Variants in RIMS2 observed in about 807,000 individuals in gnomAD.
RIMS2 encodes regulating synaptic membrane exocytosis 2, also known as regulating synaptic membrane exocytosis protein 2.
Under a neutral mutation model 174.4 loss-of-function variants are expected in RIMS2, and 59 were observed. That is an observed-to-expected ratio of 0.34 (90% CI 0.27 to 0.42). The LOEUF (loss-of-function observed/expected upper bound fraction) is 0.42, where lower values mean the gene tolerates loss of function less well. RIMS2 is among the 10% of genes least tolerant of loss of function. The pLI is 1.00. For synonymous variants in RIMS2, 606 were observed against 572.5 expected, an observed-to-expected ratio of 1.06 and a Z score of -0.84; for missense variants, 1,620 against 1,666.3, an observed-to-expected ratio of 0.97 and a Z score of 0.48.
intron 1 of RIMS2, among the ~76,000 whole-genome samples, chr8:103,617,613 G>C (rs550586269): frequency 6.6e-6 from 1 of 152,278 alleles, no homozygotes; most frequent in African/African-American, 2.4e-5. Flanking sequence ...GTGTGCATCT[G>C]ACGAAGTCTA....
At chr8:103,814,278 A>G (rs2098705593) in intron 3 of RIMS2, among the ~76,000 whole-genome samples, 1 of 152,076 alleles carries the variant, frequency 6.6e-6, no homozygotes, top group African/African-American at 2.4e-5. Context: ...GGAGAGGTAC[A>G]GGAGTAATAA....
At chr8:103,673,118 G>T (rs1168184745) in intron 1 of RIMS2, among the ~76,000 whole-genome samples, 3 of 152,176 alleles carry the variant, frequency 2.0e-5, no homozygotes, top group Non-Finnish European at 4.4e-5. Flanking sequence ...AGGACACACT[G>T]GTGCATGAGG....
intron 1 of RIMS2, among the ~76,000 whole-genome samples, chr8:103,634,734 G>T (rs1170079608): frequency 6.6e-6 from 1 of 152,104 alleles, no homozygotes; most frequent in East Asian, 1.9e-4. Flanking sequence ...CAATAGTTAG[G>T]TCTTCTTGTT....
At chr8:103,820,075 G>A (rs2098742602) in intron 3 of RIMS2, among the ~76,000 whole-genome samples, 1 of 152,010 alleles carries the variant, frequency 6.6e-6, no homozygotes, top group South Asian at 2.1e-4. Context: ...CTCTATGCTG[G>A]GTAGCTCAAT....
intron 19 of RIMS2, among the ~76,000 whole-genome samples, chr8:104,139,708 C>A (rs1047295882): frequency 2.6e-5 from 4 of 152,096 alleles, no homozygotes; most frequent in African/African-American, 9.7e-5. Context: ...CATCTGCAAA[C>A]AAAGATAATT....
intron 1 of RIMS2, among the ~76,000 whole-genome samples, chr8:103,641,934 C>T (rs781194559): frequency 2.6e-5 from 4 of 152,084 alleles, no homozygotes; most frequent in Non-Finnish European, 5.9e-5. Flanking sequence ...ATTACCCAGC[C>T]TAATGTATTC....
chr8:103,698,047 T>C (rs1422048275), intron 2 of RIMS2, among the ~76,000 whole-genome samples: 1 of 152,230 alleles, frequency 6.6e-6, no homozygotes, highest in African/African-American at 2.4e-5. Context: ...CACCTACTTA[T>C]TTATTTCAGT....
At chr8:103,899,188 G>A (rs921930620) in intron 4 of RIMS2, among the ~76,000 whole-genome samples, 1 of 151,736 alleles carries the variant, frequency 6.6e-6, no homozygotes, top group Non-Finnish European at 1.5e-5. Context: ...ACATATGTGT[G>A]CATGTGTCTT....
intron 2 of RIMS2, among the ~76,000 whole-genome samples, chr8:103,754,250 T>C (rs2097943099): frequency 1.3e-5 from 2 of 152,218 alleles, no homozygotes; most frequent in East Asian, 1.9e-4. Flanking sequence ...TGAGTGAGTT[T>C]CTTAATCCTG....
Position 104,146,910 on chromosome 8 carries a change from G to T in RIMS2, c.3335-98006G>T, listed in dbSNP as rs531556158. The stretch of plus-strand genomic sequence containing the variant: ...TGGGGTCTCACATGTTGCCAGGCTG[G>T]TATCAAACTCCTGGGCTTAAGCAGT... On this transcript the variant is annotated intron_variant, in intron 19 of 23. Transcript: ENST00000504942. Among the ~76,000 whole-genome samples, 4 of 152,100 alleles carry T rather than the reference G, an allele frequency of 2.6e-5. No homozygotes were observed. The South Asian group carries it at 8.3e-4, about 32-fold the overall frequency.
intron 1 of RIMS2, among the ~76,000 whole-genome samples, chr8:103,577,516 C>A (rs1052874967): frequency 6.6e-6 from 1 of 152,062 alleles, no homozygotes; most frequent in Non-Finnish European, 1.5e-5. Context: ...ATGTAGGTGA[C>A]GGGTTGACAG....
At chr8:104,054,924 AC>A (rs1300548994) in intron 19 of RIMS2, among the ~76,000 whole-genome samples, 1 of 152,132 alleles carries the variant, frequency 6.6e-6, no homozygotes, top group Non-Finnish European at 1.5e-5. Flanking sequence ...ATATCTAACA[AC>A]TAATACTTTT....
intron 19 of RIMS2, among the ~76,000 whole-genome samples, chr8:104,237,347 A>T (rs1223491814): frequency 1.3e-5 from 2 of 152,192 alleles, no homozygotes; most frequent in African/African-American, 4.8e-5. Context: ...AACACAAAAA[A>T]TTTATGTCTC....
chr8:103,772,920 CT>C (rs746422470), intron 3 of RIMS2, among the ~76,000 whole-genome samples: 4 of 149,876 alleles, frequency 2.7e-5, no homozygotes, highest in Admixed American at 2.0e-4. Flanking sequence ...TTGAAGCATA[CT>C]TTTTTTACTG....
intron 19 of RIMS2, among the ~76,000 whole-genome samples, chr8:104,064,377 A>G (rs1456990283): frequency 6.6e-6 from 1 of 152,124 alleles, no homozygotes; most frequent in Non-Finnish European, 1.5e-5. Context: ...ATTTTGAGCT[A>G]TTTATTAATT....
At chr8:103,664,437 A>G (rs985191424) in intron 1 of RIMS2, among the ~76,000 whole-genome samples, 2 of 152,212 alleles carry the variant, frequency 1.3e-5, no homozygotes, top group Non-Finnish European at 1.5e-5. Flanking sequence ...ACAAGAAAAA[A>G]AACAACAACC....
At chr8:103,606,734 T>G (rs2095110277) in intron 1 of RIMS2, among the ~76,000 whole-genome samples, 2 of 152,176 alleles carry the variant, frequency 1.3e-5, no homozygotes, top group East Asian at 3.8e-4. Flanking sequence ...CTTGTTGAAT[T>G]GATCCCTTTA....
chr8:103,503,711 A>G (rs943334182), intron 1 of RIMS2, among the ~76,000 whole-genome samples: 2 of 152,032 alleles, frequency 1.3e-5, no homozygotes, highest in African/African-American at 4.8e-5. Flanking sequence ...GTGAGTTTCA[A>G]TGTTCATATT....
At chr8:103,818,380 G>A (rs2098731320) in intron 3 of RIMS2, among the ~76,000 whole-genome samples, 1 of 152,186 alleles carries the variant, frequency 6.6e-6, no homozygotes, top group Admixed American at 6.5e-5. Context: ...TAGTTTTAGA[G>A]ATCTGTTATG....
Sources: allele counts gnomAD v4.1 joint callset (sites outside exome capture counted in the v4.1 genomes callset), GRCh38; gene constraint gnomAD v4.1.1; transcripts MANE v1.5; gene names NCBI Gene and HGNC (gene_info 2026-07-23, HGNC 2026-07-21).